The following RALGAPA2 variants were observed in gnomAD, a reference collection of about 807,000 sequenced individuals.
RALGAPA2 encodes the protein Ral GTPase activating protein catalytic subunit alpha 2.
A neutral mutation model predicts 230.4 loss-of-function variants in RALGAPA2; 139 were observed. The observed-to-expected ratio is 0.60, with a 90% CI of 0.53 to 0.69. The LOEUF is 0.69. RALGAPA2 is among the 30% of genes least tolerant of loss of function. The pLI, the probability that RALGAPA2 is intolerant of heterozygous loss-of-function variation, is 0.00. For synonymous variants in RALGAPA2, 847 were observed against 837.8 expected (o/e 1.01, Z -0.19); for missense variants, 2,163 against 2,276.0 (o/e 0.95, Z 1.01).
chr20:20,446,107 C>A (rs1198474181), intron 37 of RALGAPA2, among the ~76,000 whole-genome samples: 1 of 151,528 alleles, frequency 6.6e-6, no homozygotes, highest in African/African-American at 2.4e-5. Flanking sequence ...TATATTCTTA[C>A]TTGAGCATAT....
At chr20:20,594,753 G>A (rs575615551) in intron 16 of RALGAPA2, among the ~76,000 whole-genome samples, 1 of 144,828 alleles carries the variant, frequency 6.9e-6, no homozygotes, top group Admixed American at 7.0e-5. Context: ...TTTTGAGATG[G>A]AGTCTCGCTC....
chr20:20,520,944 A>G lies in RALGAPA2; in HGVS notation c.4057T>C (p.Leu1353=), dbSNP rs376344829. 657 of 1,612,220 alleles carry G rather than the reference A, an allele frequency of 4.1e-4. 3 individuals carry two copies. Among genetic ancestry groups the G allele is most frequent in the Non-Finnish European group, 1.2e-4 (147 of 1,178,592 alleles). The change falls in exon 31 of 40, where the codon TTG becomes CTG. Residue 1353 remains leucine, a synonymous_variant. Coordinates refer to ENST00000202677, the MANE Select transcript of RALGAPA2 (RefSeq NM_020343.4). Reference sequence around the variant, plus strand: ...TCTTCAACAGTCAGCAGGTTACCCAATTCTGCTGATGAATGATACTGGACT... The same window carrying G: ...TCTTCAACAGTCAGCAGGTTACCCAGTTCTGCTGATGAATGATACTGGACT... ...EPVQYHSSAE[L]GNLLTVEEEK...
At chr20:20,526,642 AT>A (rs2063213308) in intron 27 of RALGAPA2, among the ~76,000 whole-genome samples, 1 of 152,200 alleles carries the variant, frequency 6.6e-6, no homozygotes, top group Non-Finnish European at 1.5e-5. Flanking sequence ...CATAATTCAA[AT>A]TTCTTATTCA....
At chr20:20,497,515 C>A (rs911270659) in intron 35 of RALGAPA2, among the ~76,000 whole-genome samples, 1 of 152,188 alleles carries the variant, frequency 6.6e-6, no homozygotes, top group Non-Finnish European at 1.5e-5. Context: ...GAAACACTCA[C>A]CTACTAAACA....
chr20:20,509,512 G>GA (rs2062638792), intron 33 of RALGAPA2, among the ~76,000 whole-genome samples: 1 of 152,078 alleles, frequency 6.6e-6, no homozygotes, highest in African/African-American at 2.4e-5. Context: ...GGCCACCTAG[G>GA]AAAAAAGGCC....
intron 25 of RALGAPA2, 83 bp from the exon 26 acceptor site, chr20:20,535,886 G>A: frequency 1.4e-6 from 2 of 1,471,548 alleles, no homozygotes; most frequent in Non-Finnish European, 1.8e-6. Flanking sequence ...CAGGCAGCCA[G>A]GAGCTACTGA....
intron 12 of RALGAPA2, among the ~76,000 whole-genome samples, chr20:20,617,291 T>C (rs977363090): frequency 2.0e-5 from 3 of 152,216 alleles, no homozygotes; most frequent in African/African-American, 7.2e-5. Flanking sequence ...AACTAAAATA[T>C]TCACAGCCTT....
At chr20:20,556,561 G>A (rs1447054215) in intron 23 of RALGAPA2, among the ~76,000 whole-genome samples, 1 of 152,194 alleles carries the variant, frequency 6.6e-6, no homozygotes, top group Non-Finnish European at 1.5e-5. Flanking sequence ...ATTACAGTTT[G>A]TACAACAGGT....
At chr20:20,496,048 G>T (rs2062195511) in intron 35 of RALGAPA2, among the ~76,000 whole-genome samples, 1 of 152,176 alleles carries the variant, frequency 6.6e-6, no homozygotes, top group Non-Finnish European at 1.5e-5. Flanking sequence ...CCCGGGACAT[G>T]CACTGGGGCT....
chr20:20,620,485 A>C lies in RALGAPA2; in HGVS notation c.1379T>G (p.Phe460Cys). The C allele has an allele frequency of 6.2e-7, 1 of 1,613,802 alleles. No homozygotes were observed. The highest frequency in any genetic ancestry group is 1.1e-5 in the South Asian group (1 of 91,056). The stretch of plus-strand genomic sequence containing the variant: ...TACCTCCTTGCTATCAGTCTCGGAA[A>C]ATCCTAATTTTTCAGCATCTTCTTG... ...VAQEDAEKLG[F>C]SETDSKEASS... The change falls in exon 11 of 40, where the codon TTT becomes TGT. Residue 460 changes from phenylalanine to cysteine, a missense_variant. By Grantham distance (205) the Phe-to-Cys change is radical. Transcript: ENST00000202677.
intron 8 of RALGAPA2, among the ~76,000 whole-genome samples, 177 bp from the exon 9 acceptor site, chr20:20,635,794 G>A (rs571350870): frequency 2.0e-5 from 3 of 152,070 alleles, no homozygotes; most frequent in South Asian, 2.1e-4. Context: ...TTCTGATTCC[G>A]CCTTGTGATC....
rs1241105138 is a variant in RALGAPA2 at position 20,545,629 on chromosome 20, T to C, written c.3285+1075A>G. ...ATGGCAACACTGATTTCGACACCAA[T>C]GCTTAGCAAATAGTAAAGCTAATTT... On this transcript the variant is annotated intron_variant, in intron 24 of 39. Transcript: ENST00000202677. Among the ~76,000 whole-genome samples the C allele has an allele frequency of 2.6e-5, 4 of 152,206 alleles. 1 individual carries two copies. Among genetic ancestry groups the C allele is most frequent in the East Asian group, 1.9e-4 (1 of 5,202 alleles).
intron 16 of RALGAPA2, among the ~76,000 whole-genome samples, chr20:20,597,737 G>T (rs961453022): frequency 3.9e-5 from 6 of 152,106 alleles, no homozygotes; most frequent in African/African-American, 1.4e-4. Flanking sequence ...TACTCGGGAG[G>T]CTGAGGCAGG....
At chr20:20,527,449 C>T (rs1036714522) in intron 27 of RALGAPA2, among the ~76,000 whole-genome samples, 5 of 152,148 alleles carry the variant, frequency 3.3e-5, no homozygotes, top group African/African-American at 9.7e-5. Context: ...AACACTCTGG[C>T]TTGCTTCTGC....
chr20:20,553,470 T>C (rs2063988845), intron 23 of RALGAPA2, among the ~76,000 whole-genome samples: 1 of 152,092 alleles, frequency 6.6e-6, no homozygotes. Context: ...GAGGATCGCT[T>C]GAGCCTGGGA....
intron 27 of RALGAPA2, among the ~76,000 whole-genome samples, chr20:20,527,404 T>C (rs2063238017): frequency 6.6e-6 from 1 of 152,186 alleles, no homozygotes; most frequent in African/African-American, 2.4e-5. Flanking sequence ...ACATCCCAGA[T>C]GACCCAATTT....
chr20:20,436,895 G>A (rs1049985015), intron 37 of RALGAPA2, among the ~76,000 whole-genome samples: 4 of 152,116 alleles, frequency 2.6e-5, no homozygotes, highest in African/African-American at 9.7e-5. Flanking sequence ...ACGGGCGGGC[G>A]GCCAGGGCGC....
intron 26 of RALGAPA2, among the ~76,000 whole-genome samples, chr20:20,532,751 T>C (rs762037845): frequency 1.3e-5 from 2 of 152,090 alleles, no homozygotes; most frequent in African/African-American, 2.4e-5. Context: ...ATAGAGAGAA[T>C]AGGCCCAGCC....
intron 39 of RALGAPA2, among the ~76,000 whole-genome samples, chr20:20,394,751 T>A (rs1320965255): frequency 1.3e-5 from 2 of 152,034 alleles, no homozygotes; most frequent in East Asian, 1.9e-4. Flanking sequence ...CATCTCTCCA[T>A]CCCCTCGCAG....
Sources: allele counts gnomAD v4.1 joint callset (sites outside exome capture counted in the v4.1 genomes callset), GRCh38; gene constraint gnomAD v4.1.1; transcripts MANE v1.5; gene names NCBI Gene and HGNC (gene_info 2026-07-23, HGNC 2026-07-21).